The following SLC24A4 variants were observed in gnomAD, a reference collection of about 807,000 sequenced individuals.
SLC24A4 encodes sodium/potassium/calcium exchanger 4.
Under a neutral mutation model 79.0 loss-of-function variants are expected in SLC24A4, and 53 were observed. The observed-to-expected ratio is 0.67, with a 90% CI of 0.54 to 0.84. The LOEUF is 0.84. Among genes scored for constraint, SLC24A4 ranks in the 40% least tolerant of loss-of-function variants. The probability of loss-of-function intolerance (pLI) is 0.00; values close to 1 mark genes in which losing one functional copy is unlikely to be tolerated. For missense variants in SLC24A4, 731 were observed against 822.0 expected, an observed-to-expected ratio of 0.89 and a Z score of 1.35; for synonymous variants, 323 against 323.8, an observed-to-expected ratio of 1.00 and a Z score of 0.03.
intron 8 of SLC24A4, 116 bp from the exon 9 acceptor site, chr14:92,447,255 C>T (rs930323197): frequency 2.3e-6 from 2 of 877,706 alleles, no homozygotes; most frequent in African/African-American, 1.7e-5. Context: ...GGGCCCGGCA[C>T]TAGGGGCGGG....
intron 1 of SLC24A4, among the ~76,000 whole-genome samples, chr14:92,324,913 A>G (rs1050130496): frequency 9.9e-5 from 15 of 152,250 alleles, no homozygotes; most frequent in African/African-American, 3.4e-4. Flanking sequence ...GTAAAAATCC[A>G]GTGGAACTTG....
In SLC24A4 at chr14:92,416,934, C is replaced by G. The variant is rs141450671; in HGVS notation, c.242-16978C>G. 3.9e-4 allele frequency among the ~76,000 whole-genome samples: 59 copies of G among 152,166 alleles called. 1 individual carries two copies. In the East Asian group the frequency reaches 0.011, roughly 29 times the overall value. On this transcript the variant is annotated intron_variant, in intron 2 of 16. Coordinates refer to ENST00000532405, the MANE Select transcript of SLC24A4 (RefSeq NM_153646.4). ...TCAGTCATTCTACACATATTAAGCA[C>G]TTATATGTAAGACTTGGAAAAAGAG...
At chr14:92,480,634 T>G (rs970924527) in intron 12 of SLC24A4, among the ~76,000 whole-genome samples, 1 of 152,224 alleles carries the variant, frequency 6.6e-6, no homozygotes, top group Non-Finnish European at 1.5e-5. Context: ...TATGCATTCC[T>G]AAGTACTGTT....
rs80324006 is a variant in SLC24A4, at chr14:92,337,116, G to T, written c.241+11138G>T. 4.9e-3 allele frequency among the ~76,000 whole-genome samples: 752 copies of T among 152,158 alleles called. 3 individuals are homozygous for T. Among genetic ancestry groups the T allele is most frequent in the African/African-American group, 0.017 (713 of 41,500 alleles). ...ATTTTTTTTTTTAAAAACATGGGGA[G>T]GGGGTGGCAGTGATGCCTGGGAGAT... On this transcript the variant is annotated intron_variant, in intron 2 of 16. Coordinates refer to ENST00000532405, the MANE Select transcript of SLC24A4 (RefSeq NM_153646.4).
chr14:92,464,647 T>C (rs1894000919), intron 12 of SLC24A4, among the ~76,000 whole-genome samples: 1 of 152,140 alleles, frequency 6.6e-6, no homozygotes. Flanking sequence ...AATTCTGCTT[T>C]TCAAATCAGA....
intron 12 of SLC24A4, among the ~76,000 whole-genome samples, chr14:92,469,432 C>T (rs1367460497): frequency 2.0e-5 from 3 of 151,880 alleles, no homozygotes; most frequent in Non-Finnish European, 4.4e-5. Flanking sequence ...TGGCATGAAC[C>T]CGGGAGGCAG....
At chr14:92,324,165 G>A (rs1172829008) in intron 1 of SLC24A4, among the ~76,000 whole-genome samples, 1 of 152,074 alleles carries the variant, frequency 6.6e-6, no homozygotes. Flanking sequence ...CCTGAGCTAC[G>A]AGCGGCCCCT....
At chr14:92,480,364 G>A (rs1321692001) in intron 12 of SLC24A4, among the ~76,000 whole-genome samples, 50 of 118,088 alleles carry the variant, frequency 4.2e-4, no homozygotes, top group Non-Finnish European at 7.5e-4. Context: ...CACAATCTCA[G>A]CTCACTGCAA....
In SLC24A4 at chr14:92,353,603, A is replaced by G. The variant is rs1887006022; in HGVS notation, c.241+27625A>G. On this transcript the variant is annotated intron_variant, in intron 2 of 16. Transcript: ENST00000532405. The surrounding 1 kb of genome is among the most constrained non-coding windows in gnomAD (Gnocchi z 4.1). ...AGTTTGCCAATCTGGAGGGTGAATC[A>G]TGGTATCTCAGTTTGTTTCAGTCAT... is the stretch of plus-strand genomic sequence containing the variant. 6.6e-6 allele frequency among the ~76,000 whole-genome samples: 1 copy of G among 152,290 alleles called. No homozygotes were observed. Among genetic ancestry groups the G allele is most frequent in the Admixed American group, 6.5e-5 (1 of 15,290 alleles).
intron 12 of SLC24A4, among the ~76,000 whole-genome samples, chr14:92,456,841 C>T (rs1334353420): frequency 1.3e-5 from 2 of 152,194 alleles, no homozygotes; most frequent in African/African-American, 4.8e-5. Flanking sequence ...AGCCTCGGGC[C>T]AGAGAGCAGG....
chr14:92,469,527 A>G (rs183127759), intron 12 of SLC24A4, among the ~76,000 whole-genome samples: 1,671 of 151,822 alleles, frequency 0.011, 16 homozygotes, highest in Non-Finnish European at 0.018. Flanking sequence ...AAGGTTAAAC[A>G]TAGAGTCACC....
chr14:92,390,905 C>G (rs1337720011), intron 2 of SLC24A4, among the ~76,000 whole-genome samples: 3 of 152,236 alleles, frequency 2.0e-5, no homozygotes, highest in Non-Finnish European at 4.4e-5. Context: ...TTATGCAACA[C>G]TGCAGCATGT....
intron 2 of SLC24A4, among the ~76,000 whole-genome samples, chr14:92,360,722 A>G (rs1887459806): frequency 6.6e-6 from 1 of 152,196 alleles, no homozygotes; most frequent in South Asian, 2.1e-4. Context: ...GAGAGGCTTA[A>G]TGACGCATTG....
chr14:92,374,748 T>C (rs73335680), intron 2 of SLC24A4, among the ~76,000 whole-genome samples: 213 of 152,376 alleles, frequency 1.4e-3, no homozygotes, highest in African/African-American at 4.9e-3. Flanking sequence ...TGTTTCAGCA[T>C]CCTATTACAG....
At position 92,334,998 on chromosome 14, in the gene SLC24A4, C is replaced by T. The variant is rs76569152; in HGVS notation, c.241+9020C>T. ...CACTTTTCAGGGGTTACTTGCTTCT[C>T]GTAACAACTCTGAAGGCAGGTGCTG... On this transcript the variant is annotated intron_variant, in intron 2 of 16. Transcript: ENST00000532405. Among the ~76,000 whole-genome samples, 19 of 152,206 alleles carry T rather than the reference C, an allele frequency of 1.2e-4. No homozygotes were observed. The East Asian group carries it at 3.1e-3, about 25-fold the overall frequency.
chr14:92,426,898 C>T (rs574138563), intron 2 of SLC24A4, among the ~76,000 whole-genome samples: 2 of 152,230 alleles, frequency 1.3e-5, no homozygotes, highest in South Asian at 4.1e-4. Flanking sequence ...TGGTTTTCAT[C>T]GTTTCAGAAT....
chr14:92,409,176 C>T (rs1890566210), intron 2 of SLC24A4, among the ~76,000 whole-genome samples: 1 of 152,226 alleles, frequency 6.6e-6, no homozygotes, highest in South Asian at 2.1e-4. Context: ...ATTCCAGTTG[C>T]TCTGGGTCTC....
chr14:92,424,767 A>C (rs1891478184), intron 2 of SLC24A4, among the ~76,000 whole-genome samples: 1 of 152,056 alleles, frequency 6.6e-6, no homozygotes, highest in South Asian at 2.1e-4. Context: ...TTGTAGTTCC[A>C]GTTACTCAGG....
At position 92,398,623 on chromosome 14, in the gene SLC24A4, C is replaced by CT. The variant is rs375367539; in HGVS notation, c.242-35287dup. On this transcript the variant is annotated intron_variant, in intron 2 of 16. Coordinates refer to ENST00000532405, the MANE Select transcript of SLC24A4 (RefSeq NM_153646.4). This position sits in a 1 kb window ranked among gnomAD's most constrained non-coding sequence, Gnocchi z 4.1. ...TGGCCAGGGCTGCTGGGACAGGCTCCTTCACATCTGTCCCACCTGGCATGG... is the reference window on the plus strand; with the variant it reads ...TGGCCAGGGCTGCTGGGACAGGCTCCTTTCACATCTGTCCCACCTGGCATGG... Among the ~76,000 whole-genome samples the CT allele has an allele frequency of 2.0e-4, 31 of 152,332 alleles. No homozygotes were observed. Among genetic ancestry groups the CT allele is most frequent in the African/African-American group, 6.5e-4 (27 of 41,584 alleles).
Sources: allele counts gnomAD v4.1 joint callset (sites outside exome capture counted in the v4.1 genomes callset), GRCh38; gene constraint gnomAD v4.1.1; non-coding constraint Gnocchi (gnomAD v3.1); transcripts MANE v1.5; gene names NCBI Gene and HGNC (gene_info 2026-07-23, HGNC 2026-07-21).